NFATC3: variants seen among roughly 807,000 people sequenced by gnomAD.
NFATC3 encodes nuclear factor of activated T cells 3.
NFATC3 carries 46 observed loss-of-function variants against 98.6 expected under a neutral mutation model. The ratio of observed to expected loss-of-function variants is 0.47; its 90% CI spans 0.37 to 0.60. The LOEUF (loss-of-function observed/expected upper bound fraction) is 0.60, where lower values mean the gene tolerates loss of function less well. Among genes scored for constraint, NFATC3 ranks in the 20% least tolerant of loss-of-function variants. The pLI is 0.00. For missense variants in NFATC3, 1,256 were observed against 1,295.5 expected (o/e 0.97, Z 0.47); for synonymous variants, 512 against 472.2 (o/e 1.08, Z -1.09).
chr16:68,221,828 A>G (rs1021439662), intron 9 of NFATC3, among the ~76,000 whole-genome samples: 2 of 152,232 alleles, frequency 1.3e-5, no homozygotes, highest in African/African-American at 4.8e-5. Context: ...GGGAGCAGAA[A>G]TAACACAGCA....
rs2037554430 is a variant in NFATC3 at position 68,138,274 on chromosome 16, A to G, written c.1401+11664A>G. ...AGGCTAGTCTCGAACTCCTGACCTCAAGTAATGCACCACCTCAGCCTCCCA... is the reference window on the plus strand; with the variant it reads ...AGGCTAGTCTCGAACTCCTGACCTCGAGTAATGCACCACCTCAGCCTCCCA... On this transcript the variant is annotated intron_variant, in intron 3 of 9. Coordinates refer to ENST00000346183, the MANE Select transcript of NFATC3 (RefSeq NM_173165.3). Among the ~76,000 whole-genome samples the G allele has an allele frequency of 2.0e-5, 3 of 151,744 alleles. No homozygotes were observed. The South Asian group carries it at 6.3e-4, about 32-fold the overall frequency.
At chr16:68,137,271 A>T (rs540142609) in intron 3 of NFATC3, among the ~76,000 whole-genome samples, 17 of 151,978 alleles carry the variant, frequency 1.1e-4, no homozygotes, top group Middle Eastern at 3.4e-3. Context: ...TTTATTTTTT[A>T]TTTTTATTTA....
At chr16:68,212,815 A>C (rs1313833742) in intron 9 of NFATC3, among the ~76,000 whole-genome samples, 3 of 107,720 alleles carry the variant, frequency 2.8e-5, no homozygotes, top group African/African-American at 1.1e-4. Context: ...TTTGAGATGG[A>C]GTCTCACTCT....
rs1567503218 is a variant in NFATC3, at chr16:68,112,645, C to CT, written c.104-9342_104-9341insT. 3.2e-3 allele frequency among the ~76,000 whole-genome samples: 377 copies of CT among 119,200 alleles called. 3 individuals are homozygous for CT. Among genetic ancestry groups the CT allele is most frequent in the South Asian group, 1.0e-2 (37 of 3,710 alleles). The allele number at this position is 119,200 out of a possible 152,430, so 78.2% of individuals were successfully genotyped here. ...TCATTTCTTTTCATTTTTTCTTTTT[C>CT]GTTTTTTTTTTTTTTTTTTTTTTTG... is the stretch of plus-strand genomic sequence containing the variant. On this transcript the variant is annotated intron_variant, in intron 1 of 9. Transcript: ENST00000346183.
chr16:68,219,570 AAAT>A (rs2041778164), intron 9 of NFATC3, among the ~76,000 whole-genome samples: 1 of 152,012 alleles, frequency 6.6e-6, no homozygotes, highest in Non-Finnish European at 1.5e-5. Flanking sequence ...CTGTCTCCTA[AAAT>A]AATAATAGTA....
In NFATC3 at chr16:68,153,653, G is replaced by A. The variant is rs373749281; in HGVS notation, c.1402-4216G>A. The stretch of plus-strand genomic sequence containing the variant: ...TTTTGAGACAGAGTCTCGCTCTGTC[G>A]CCCAAGCTGGAGTACAGTGGCCCGA... On this transcript the variant is annotated intron_variant, in intron 3 of 9. Coordinates refer to ENST00000346183, the MANE Select transcript of NFATC3 (RefSeq NM_173165.3). 6.6e-5 allele frequency among the ~76,000 whole-genome samples: 10 copies of A among 151,864 alleles called. No individual in the cohort carries two copies. In the East Asian group the frequency reaches 7.8e-4, roughly 12 times the overall value.
chr16:68,155,197 G>A (rs929432938), intron 3 of NFATC3, among the ~76,000 whole-genome samples: 1 of 152,168 alleles, frequency 6.6e-6, no homozygotes, highest in African/African-American at 2.4e-5. Flanking sequence ...ACAAGTAGGC[G>A]GGAATAAAAC....
chr16:68,205,662 A>G (rs556190961), intron 9 of NFATC3, among the ~76,000 whole-genome samples: 8 of 152,214 alleles, frequency 5.3e-5, no homozygotes, highest in Non-Finnish European at 1.0e-4. Flanking sequence ...AATTGGAGTT[A>G]CTAGTTTCTT....
chr16:68,116,763 A>C (rs1299554241), intron 1 of NFATC3, among the ~76,000 whole-genome samples: 1 of 151,010 alleles, frequency 6.6e-6, no homozygotes, highest in Non-Finnish European at 1.5e-5. Context: ...CAATAATTTC[A>C]TTTGAATAAA....
At position 68,183,263 on chromosome 16, in the gene NFATC3, T is replaced by A. The variant is rs775555807; in HGVS notation, c.1995T>A (p.Pro665=). The change falls in exon 8 of 10, where the codon CCT becomes CCA. Residue 665 remains proline (P), a synonymous_variant. Coordinates refer to ENST00000346183, the MANE Select transcript of NFATC3 (RefSeq NM_173165.3). ...AGGCTCACATTGTCCTTGAAGTTCC[T>A]CCATATCATAACCCAGCAGTTACAG... The part of the protein sequence containing the change: ...CQGAHIVLEV[P]PYHNPAVTAA... The A allele has an allele frequency of 9.1e-5, 145 of 1,596,172 alleles. 2 individuals carry two copies. In the South Asian group the frequency reaches 1.3e-3, roughly 15 times the overall value.
chr16:68,125,170 C>A (rs1319459362), intron 2 of NFATC3, among the ~76,000 whole-genome samples: 1 of 152,176 alleles, frequency 6.6e-6, no homozygotes, highest in African/African-American at 2.4e-5. Flanking sequence ...TTGCTTAAGG[C>A]TGCAAAACAA....
intron 9 of NFATC3, among the ~76,000 whole-genome samples, chr16:68,207,872 CAT>C (rs1451015338): frequency 6.6e-6 from 1 of 152,060 alleles, no homozygotes; most frequent in Non-Finnish European, 1.5e-5. Flanking sequence ...CTTGCCAACA[CAT>C]GTTATTTTCC....
At chr16:68,209,801 T>C (rs1187697146) in intron 9 of NFATC3, 3 of 405,804 alleles carry the variant, frequency 7.4e-6, no homozygotes, top group Non-Finnish European at 1.4e-5. Flanking sequence ...ATGCAAGAAA[T>C]GAACGAATAA....
At chr16:68,140,622 AT>A (rs2037701513) in intron 3 of NFATC3, among the ~76,000 whole-genome samples, 1 of 152,084 alleles carries the variant, frequency 6.6e-6, no homozygotes, top group Non-Finnish European at 1.5e-5. Context: ...CTTATATCTT[AT>A]AAAATTAATA....
At chr16:68,163,050 G>T (rs996092415) in intron 4 of NFATC3, among the ~76,000 whole-genome samples, 1 of 152,088 alleles carries the variant, frequency 6.6e-6, no homozygotes, top group African/African-American at 2.4e-5. Context: ...GTTTCAGAGA[G>T]CACAGGGTTG....
At chr16:68,161,449 A>G (rs1398497250) in intron 4 of NFATC3, among the ~76,000 whole-genome samples, 1 of 152,212 alleles carries the variant, frequency 6.6e-6, no homozygotes, top group Non-Finnish European at 1.5e-5. Flanking sequence ...ATACTTCATA[A>G]TCTGAAAAAC....
At chr16:68,095,349 T>G (rs937959529) in intron 1 of NFATC3, among the ~76,000 whole-genome samples, 2 of 137,962 alleles carry the variant, frequency 1.4e-5, no homozygotes, top group Non-Finnish European at 3.2e-5. Context: ...CCCAGCTAAT[T>G]TTTTTTTTTT....
At chr16:68,178,403 T>G (rs1306346328) in intron 6 of NFATC3, among the ~76,000 whole-genome samples, 1 of 152,202 alleles carries the variant, frequency 6.6e-6, no homozygotes, top group East Asian at 1.9e-4. Flanking sequence ...TCAAAAAACA[T>G]CAGTTCTGTT....
At position 68,205,922 on chromosome 16, in the gene NFATC3, G is replaced by A. The variant is rs548336882; in HGVS notation, c.3106+14147G>A. Among the ~76,000 whole-genome samples, 9 of 150,870 alleles carry A rather than the reference G, an allele frequency of 6.0e-5. No homozygotes were observed. In the East Asian group the frequency reaches 1.8e-3, roughly 29 times the overall value. On this transcript the variant is annotated intron_variant, in intron 9 of 9. Transcript: ENST00000346183. ...TTTTTTTCTTTTTTTTTTTGAGATG[G>A]ATTCTCGCTCTACTGCCCAGGCTGG...
Sources: gnomAD v4.1 joint callset for allele counts (sites outside exome capture counted in the v4.1 genomes callset) on GRCh38, gnomAD v4.1.1 for gene constraint, MANE v1.5 for transcripts, NCBI Gene and HGNC (gene_info 2026-07-23, HGNC 2026-07-21) for gene names.